Variants in ELAVL2 observed in about 807,000 individuals in gnomAD.
The protein encoded by ELAVL2 is ELAV like RNA binding protein 2, also known as ELAV-like protein 2.
A neutral mutation model predicts 34.6 loss-of-function variants in ELAVL2; 4 were observed. The observed-to-expected ratio is 0.12, with a 90% CI of 0.06 to 0.26. ELAVL2 has a LOEUF of 0.26. Among genes scored for constraint, ELAVL2 ranks in the 10% least tolerant of loss-of-function variants. The probability of loss-of-function intolerance (pLI) is 1.00; values close to 1 mark genes in which losing one functional copy is unlikely to be tolerated. For synonymous variants in ELAVL2, 193 were observed against 154.8 expected (o/e 1.25, Z -1.83); for missense variants, 432 against 442.8 (o/e 0.98, Z 0.22).
chr9:23,812,471 G>T (rs1412712965), intron 1 of ELAVL2, among the ~76,000 whole-genome samples: 1 of 151,988 alleles, frequency 6.6e-6, no homozygotes, highest in Non-Finnish European at 1.5e-5. Flanking sequence ...GATAAAACAT[G>T]CTTGTTTTTA....
At chr9:23,740,627 T>A (rs2048936177) in intron 2 of ELAVL2, among the ~76,000 whole-genome samples, 1 of 150,444 alleles carries the variant, frequency 6.6e-6, no homozygotes, top group African/African-American at 2.5e-5. Flanking sequence ...TCTTAATCCA[T>A]CCAAGAGACT....
intron 1 of ELAVL2, among the ~76,000 whole-genome samples, chr9:23,814,759 AC>A (rs1347819769): frequency 1.3e-5 from 2 of 152,006 alleles, no homozygotes; most frequent in Non-Finnish European, 2.9e-5. Flanking sequence ...AAGGTGGATG[AC>A]CCCCTCACCT....
intron 2 of ELAVL2, among the ~76,000 whole-genome samples, chr9:23,734,319 A>C (rs1207616724): frequency 1.3e-5 from 2 of 152,172 alleles, no homozygotes; most frequent in Non-Finnish European, 2.9e-5. Context: ...GCTACATGGT[A>C]TTTTACTGTT....
At chr9:23,768,760 G>C (rs554256157) in intron 1 of ELAVL2, among the ~76,000 whole-genome samples, 2 of 152,140 alleles carry the variant, frequency 1.3e-5, no homozygotes, top group Admixed American at 6.6e-5. Flanking sequence ...CAGGGTTATG[G>C]ATATGGGCAT....
At chr9:23,838,145 T>G in the ELAVL2 span, among the ~76,000 whole-genome samples, 21 of 152,192 alleles carry the variant, frequency 1.4e-4, no homozygotes, top group African/African-American at 5.1e-4. Flanking sequence ...ACATAAAGGA[T>G]GTTTACTAGA....
At chr9:23,702,334 C>T (rs73654355) in intron 4 of ELAVL2, among the ~76,000 whole-genome samples, 3,047 of 152,192 alleles carry the variant, frequency 0.02, 51 homozygotes, top group South Asian at 0.049. Flanking sequence ...ACCTCAGCAG[C>T]ATCACTCCTG....
At chr9:23,837,152 A>G in the ELAVL2 span, among the ~76,000 whole-genome samples, 616 of 152,290 alleles carry the variant, frequency 4.0e-3, 3 homozygotes, top group Admixed American at 6.5e-3. Flanking sequence ...GGCTCTCAGC[A>G]TATAATGTTT....
intron 1 of ELAVL2, among the ~76,000 whole-genome samples, chr9:23,793,827 T>C (rs2060598832): frequency 6.6e-6 from 1 of 152,216 alleles, no homozygotes; most frequent in African/African-American, 2.4e-5. Flanking sequence ...CCACTCATGA[T>C]CTTCTCCCTA....
At chr9:23,807,470 C>T (rs1344363356) in intron 1 of ELAVL2, among the ~76,000 whole-genome samples, 1 of 151,830 alleles carries the variant, frequency 6.6e-6, no homozygotes, top group African/African-American at 2.4e-5. Context: ...AAGTATTTTT[C>T]GACACTCTTA....
At chr9:23,738,006 C>G (rs1221933534) in intron 2 of ELAVL2, among the ~76,000 whole-genome samples, 1 of 152,172 alleles carries the variant, frequency 6.6e-6, no homozygotes, top group African/African-American at 2.4e-5. Flanking sequence ...GACCCTGTTG[C>G]CTCCTGATAT....
intron 2 of ELAVL2, among the ~76,000 whole-genome samples, chr9:23,747,415 G>A (rs2050771232): frequency 1.3e-5 from 2 of 152,112 alleles, no homozygotes; most frequent in Admixed American, 1.3e-4. Flanking sequence ...TGTTGATAAT[G>A]GGAGGACTAC....
intron 1 of ELAVL2, among the ~76,000 whole-genome samples, chr9:23,762,662 T>C (rs755205511): frequency 1.3e-5 from 2 of 152,082 alleles, no homozygotes; most frequent in Non-Finnish European, 2.9e-5. Flanking sequence ...AAAAATGACC[T>C]ACCTAACTCT....
chr9:23,702,703 C>A lies in ELAVL2; in HGVS notation c.488-1099G>T, dbSNP rs150350465. ...TTCCACATATGCGTATCTAAGACAG[C>A]CCCTATCACTTTACCTTTTCTATTT... On this transcript the variant is annotated intron_variant, in intron 4 of 6. Coordinates refer to ENST00000397312, the MANE Select transcript of ELAVL2 (RefSeq NM_004432.5). Among the ~76,000 whole-genome samples the A allele has an allele frequency of 1.8e-3, 277 of 151,994 alleles. 1 individual carries two copies. The highest frequency in any genetic ancestry group is 6.1e-3 in the African/African-American group (254 of 41,502).
At chr9:23,768,193 C>T (rs1019754065) in intron 1 of ELAVL2, among the ~76,000 whole-genome samples, 8 of 152,176 alleles carry the variant, frequency 5.3e-5, no homozygotes, top group Admixed American at 3.9e-4. Flanking sequence ...CTACTTTTAT[C>T]AGCCCACTTA....
chr9:23,740,017 C>G (rs1264678138), intron 2 of ELAVL2, among the ~76,000 whole-genome samples: 1 of 152,080 alleles, frequency 6.6e-6, no homozygotes, highest in Non-Finnish European at 1.5e-5. Flanking sequence ...ACAAACTCAC[C>G]AAGTCCATGT....
chr9:23,710,544 C>G lies in ELAVL2; in HGVS notation c.334-5473G>C, dbSNP rs373240527. Among the ~76,000 whole-genome samples, 8 of 152,254 alleles carry G rather than the reference C, an allele frequency of 5.3e-5. No homozygotes were observed. The South Asian group carries it at 1.7e-3, about 32-fold the overall frequency. On this transcript the variant is annotated intron_variant, in intron 3 of 6. Transcript: ENST00000397312. ...TTTAAACTAAAAACATTTGAGAAGT[C>G]ACCCACTGCTAAGATCACCACTGAA...
intron 3 of ELAVL2, among the ~76,000 whole-genome samples, chr9:23,715,434 C>A (rs1271715788): frequency 2.6e-5 from 4 of 152,226 alleles, no homozygotes; most frequent in Non-Finnish European, 4.4e-5. Context: ...AGGCGTGAGC[C>A]ACCACGCCCA....
intron 3 of ELAVL2, among the ~76,000 whole-genome samples, chr9:23,708,506 T>C (rs1042195462): frequency 2.6e-5 from 4 of 152,218 alleles, no homozygotes; most frequent in East Asian, 1.9e-4. Flanking sequence ...AATAATACTA[T>C]GGTAAGTGAG....
chr9:23,713,775 G>T (rs1234269441), intron 3 of ELAVL2, among the ~76,000 whole-genome samples: 1 of 152,096 alleles, frequency 6.6e-6, no homozygotes, highest in African/African-American at 2.4e-5. Flanking sequence ...ACTGTAACTG[G>T]TAAAGTTCTG....
Sources: gnomAD v4.1 joint callset for allele counts (sites outside exome capture counted in the v4.1 genomes callset) on GRCh38, gnomAD v4.1.1 for gene constraint, MANE v1.5 for transcripts, NCBI Gene and HGNC (gene_info 2026-07-23, HGNC 2026-07-21) for gene names.